The following AUTS2 variants were observed in gnomAD, a reference collection of about 807,000 sequenced individuals.
The protein encoded by AUTS2 is activator of transcription and developmental regulator AUTS2.
Under a neutral mutation model 112.4 loss-of-function variants are expected in AUTS2, and 17 were observed. The ratio of observed to expected loss-of-function variants is 0.15; its 90% CI spans 0.10 to 0.23. The LOEUF is 0.23. Among genes scored for constraint, AUTS2 ranks in the 10% least tolerant of loss-of-function variants. The probability of loss-of-function intolerance (pLI) is 1.00; values close to 1 mark genes in which losing one functional copy is unlikely to be tolerated. For missense variants in AUTS2, 1,510 were observed against 1,701.6 expected, an observed-to-expected ratio of 0.89 and a Z score of 1.98; for synonymous variants, 751 against 702.7, an observed-to-expected ratio of 1.07 and a Z score of -1.09.
At chr7:70,688,227 C>T (rs955134011) in intron 5 of AUTS2, among the ~76,000 whole-genome samples, 5 of 152,200 alleles carry the variant, frequency 3.3e-5, no homozygotes, top group Admixed American at 2.6e-4. Flanking sequence ...GTCTTCATTC[C>T]TCTCATCATG....
At chr7:70,697,796 T>A (rs907968156) in intron 5 of AUTS2, among the ~76,000 whole-genome samples, 1 of 152,352 alleles carries the variant, frequency 6.6e-6, no homozygotes, top group Non-Finnish European at 1.5e-5. Flanking sequence ...TCTAGAAATA[T>A]TCAGTGCTGA....
intron 5 of AUTS2, among the ~76,000 whole-genome samples, chr7:70,455,652 G>A (rs1796709330): frequency 6.6e-6 from 1 of 152,120 alleles, no homozygotes; most frequent in Non-Finnish European, 1.5e-5. Context: ...CAGGTGTGGT[G>A]GCTCATGCCT....
intron 2 of AUTS2, among the ~76,000 whole-genome samples, chr7:70,053,141 C>A (rs1329307483): frequency 6.6e-6 from 1 of 152,126 alleles, no homozygotes; most frequent in Non-Finnish European, 1.5e-5. Flanking sequence ...AGAGAAATTA[C>A]AGATAACAAT....
At chr7:70,125,092 C>T (rs1164812659) in intron 3 of AUTS2, among the ~76,000 whole-genome samples, 1 of 151,970 alleles carries the variant, frequency 6.6e-6, no homozygotes, top group East Asian at 1.9e-4. Flanking sequence ...GTTGTTTTTT[C>T]TCCTCACTAT....
intron 4 of AUTS2, among the ~76,000 whole-genome samples, chr7:70,394,289 C>G (rs1759376469): frequency 6.6e-6 from 1 of 152,142 alleles, no homozygotes; most frequent in African/African-American, 2.4e-5. Flanking sequence ...TCATGTCATT[C>G]TTACAACAAC....
rs1391825343 is a variant in AUTS2 at position 70,710,733 on chromosome 7, A to T, written c.742+12113A>T. 5.9e-5 allele frequency among the ~76,000 whole-genome samples: 9 copies of T among 152,316 alleles called. No homozygotes were observed. In the East Asian group the frequency reaches 1.5e-3, roughly 26 times the overall value. On this transcript the variant is annotated intron_variant, in intron 6 of 18. Transcript: ENST00000342771. ...CCTTGGGAAAATTCCACTTGTCTGG[A>T]CTGTGCTCCTCACTTTCTGAGATTG...
chr7:70,135,271 G>C (rs1025675009), intron 4 of AUTS2, among the ~76,000 whole-genome samples: 6 of 151,946 alleles, frequency 3.9e-5, no homozygotes, highest in African/African-American at 1.5e-4. Flanking sequence ...CTCCTTTCTG[G>C]ATTTAGTGAC....
intron 4 of AUTS2, among the ~76,000 whole-genome samples, chr7:70,166,090 C>T (rs1226739066): frequency 6.6e-6 from 1 of 152,092 alleles, no homozygotes; most frequent in Non-Finnish European, 1.5e-5. Context: ...TATAAGTTTC[C>T]TGAGGCCTCT....
intron 6 of AUTS2, among the ~76,000 whole-genome samples, chr7:70,734,829 TC>T (rs1348854872): frequency 6.6e-6 from 1 of 152,138 alleles, no homozygotes; most frequent in Non-Finnish European, 1.5e-5. Flanking sequence ...AGCAACATCT[TC>T]CTAAAGAGGT....
At chr7:70,633,368 A>G (rs1393355518) in intron 5 of AUTS2, among the ~76,000 whole-genome samples, 1 of 152,186 alleles carries the variant, frequency 6.6e-6, no homozygotes, top group Non-Finnish European at 1.5e-5. Flanking sequence ...CTGTAAGCCC[A>G]GCACTTTGGG....
chr7:70,265,060 C>G (rs1416913671), intron 4 of AUTS2, among the ~76,000 whole-genome samples: 1 of 152,096 alleles, frequency 6.6e-6, no homozygotes, highest in East Asian at 1.9e-4. Flanking sequence ...TATCTAATTC[C>G]TTAGGATTAA....
intron 1 of AUTS2, among the ~76,000 whole-genome samples, chr7:69,737,085 A>G (rs867418284): frequency 5.3e-5 from 8 of 152,094 alleles, no homozygotes; most frequent in Non-Finnish European, 8.8e-5. Flanking sequence ...AGGGGTACAG[A>G]TTTTCCATTT....
At chr7:69,992,975 C>T (rs2129551721) in intron 2 of AUTS2, among the ~76,000 whole-genome samples, 1 of 152,320 alleles carries the variant, frequency 6.6e-6, no homozygotes, top group Non-Finnish European at 1.5e-5. Context: ...TGGCACATCT[C>T]TGCATCTTAG....
intron 6 of AUTS2, among the ~76,000 whole-genome samples, chr7:70,748,633 C>T (rs976756771): frequency 6.6e-6 from 1 of 152,134 alleles, no homozygotes; most frequent in East Asian, 1.9e-4. Context: ...TAAAAGACCG[C>T]GTTCTGGAAA....
At chr7:69,868,772 C>G (rs1793351481) in intron 1 of AUTS2, among the ~76,000 whole-genome samples, 1 of 152,110 alleles carries the variant, frequency 6.6e-6, no homozygotes, top group African/African-American at 2.4e-5. Flanking sequence ...TCAAGCAAGA[C>G]TTAAATCTTG....
intron 1 of AUTS2, among the ~76,000 whole-genome samples, chr7:69,729,994 ATTTTTTTTT>A (rs10684331): frequency 1.8e-5 from 1 of 56,750 alleles, no homozygotes; most frequent in South Asian, 6.6e-4. Flanking sequence ...TGTTGTTTTA[ATTTTTTTTT>A]TTTTTTTTTT....
intron 5 of AUTS2, among the ~76,000 whole-genome samples, chr7:70,469,684 C>T (rs939299297): frequency 2.0e-5 from 3 of 152,090 alleles, no homozygotes; most frequent in South Asian, 2.1e-4. Flanking sequence ...TCTGTTGCCC[C>T]GCCTGCAGTG....
rs371904658 is a variant in AUTS2, at chr7:69,883,282, CT to C, written c.310-15988del. On this transcript the variant is annotated intron_variant, in intron 1 of 18. Transcript: ENST00000342771. ...AGCTTCGGGGTGGAGCATAGAGTTC[CT>C]TTTTTTTTTTTTTTTCTTTAGCAGG... 7.0e-3 allele frequency among the ~76,000 whole-genome samples: 968 copies of C among 137,688 alleles called. 7 individuals are homozygous for C. Among genetic ancestry groups the C allele is most frequent in the African/African-American group, 0.011 (433 of 37,674 alleles). The allele number at this position is 137,688 out of a possible 152,430, so 90.3% of individuals were successfully genotyped here. A position where few individuals can be genotyped will look rare whatever the true frequency, so the allele number is the denominator to read the frequency against.
chr7:69,698,252 T>G (rs1262149499), intron 1 of AUTS2, among the ~76,000 whole-genome samples: 3 of 152,172 alleles, frequency 2.0e-5, no homozygotes, highest in African/African-American at 7.2e-5. Flanking sequence ...CTCTCCTCTC[T>G]TTGTGAAAAC....
Sources: gnomAD v4.1 joint callset for allele counts (sites outside exome capture counted in the v4.1 genomes callset) on GRCh38, gnomAD v4.1.1 for gene constraint, MANE v1.5 for transcripts, NCBI Gene and HGNC (gene_info 2026-07-23, HGNC 2026-07-21) for gene names.